COL10A1: variants seen among roughly 807,000 people sequenced by gnomAD.
COL10A1 encodes collagen alpha-1(X) chain.
A neutral mutation model predicts 18.2 loss-of-function variants in COL10A1; 10 were observed. The ratio of observed to expected loss-of-function variants is 0.55; its 90% confidence interval spans 0.34 to 0.93. The LOEUF (loss-of-function observed/expected upper bound fraction) is 0.93. Among genes scored for constraint, COL10A1 ranks in the 40% least tolerant of loss-of-function variants. The pLI, the probability that COL10A1 is intolerant of heterozygous loss-of-function variation, is 0.02. For synonymous variants in COL10A1, 330 were observed against 316.6 expected (o/e 1.04, Z -0.45); for missense variants, 897 against 853.5 (o/e 1.05, Z -0.64).
chr6:116,185,818 T>G, the COL10A1 span, among the ~76,000 whole-genome samples: 10 of 152,122 alleles, frequency 6.6e-5, no homozygotes, highest in Non-Finnish European at 1.3e-4. Flanking sequence ...TCTTAGCCAT[T>G]CTGTCATTCT....
intron 1 of COL10A1, among the ~76,000 whole-genome samples, chr6:116,139,863 C>T (rs1394794025): frequency 6.6e-6 from 1 of 152,188 alleles, no homozygotes; most frequent in Non-Finnish European, 1.5e-5. Context: ...CTTGAGTCTT[C>T]TGTCCCTCAT....
At chr6:116,155,180 T>C (rs1472501184) in intron 1 of COL10A1, among the ~76,000 whole-genome samples, 1 of 152,204 alleles carries the variant, frequency 6.6e-6, no homozygotes, top group Non-Finnish European at 1.5e-5. Context: ...TAGTTAAGGT[T>C]ACAAGTAGTT....
rs775537600 is a variant in COL10A1, at chr6:116,120,390, A to G, written c.1726T>C (p.Tyr576His). ...GGGTCATAATGCTGTTGCCTGTTAT[A>G]CAAAATTTTATCAAATGGTATGGGA... ...GTPIPFDKIL[Y>H]NRQQHYDPRT... The change falls in exon 3 of 3, where the codon TAT becomes CAT. Residue 576 changes from tyrosine (Y) to histidine (H), a missense_variant. Physicochemically the swap from Tyr to His is moderately conservative, Grantham distance 83. Coordinates refer to ENST00000651968, the MANE Select transcript of COL10A1 (RefSeq NM_000493.4). 2 of 1,614,148 alleles carry G rather than the reference A, an allele frequency of 1.2e-6. No individual in the cohort carries two copies. Among genetic ancestry groups the G allele is most frequent in the Admixed American group, 3.3e-5 (2 of 60,016 alleles).
At position 116,135,880 on chromosome 6, in the gene COL10A1, T is replaced by C. The variant is rs11969363; in HGVS notation, c.-15-10373A>G. On this transcript the variant is annotated intron_variant, in intron 1 of 1. Transcript: ENST00000418500. ...ATATATATATATATATATACACACA[T>C]ACACACACATTGCTAAATGGTTACC... Among the ~76,000 whole-genome samples, 240 of 123,178 alleles carry C rather than the reference T, an allele frequency of 1.9e-3. 1 individual carries two copies. The highest frequency in any genetic ancestry group is 8.7e-3 in the Middle Eastern group (2 of 230). 80.8% of individuals were successfully genotyped at this position (123,178 alleles called of 152,430 possible).
At chr6:116,163,546 T>C (rs76131627), upstream of COL10A1, among the ~76,000 whole-genome samples, 22 of 152,262 alleles carry the variant, frequency 1.4e-4, no homozygotes, top group East Asian at 4.2e-3. Context: ...TCTATCAATT[T>C]TTGTTTATCT....
the COL10A1 span, among the ~76,000 whole-genome samples, chr6:116,188,120 G>A: frequency 6.6e-6 from 1 of 152,160 alleles, no homozygotes; most frequent in African/African-American, 2.4e-5. Context: ...AGTCATGAGA[G>A]TGCTAATTAA....
At chr6:116,166,412 A>G in the COL10A1 span, among the ~76,000 whole-genome samples, 1 of 152,238 alleles carries the variant, frequency 6.6e-6, no homozygotes, top group Non-Finnish European at 1.5e-5. Flanking sequence ...AAAGGAATGG[A>G]TCAACCAATC....
the COL10A1 span, among the ~76,000 whole-genome samples, chr6:116,178,898 G>A: frequency 1.3e-5 from 2 of 152,084 alleles, no homozygotes; most frequent in Non-Finnish European, 2.9e-5. Flanking sequence ...TCTTTTACTC[G>A]ATATGCATTT....
chr6:116,189,682 TA>T, the COL10A1 span, among the ~76,000 whole-genome samples: 4 of 151,674 alleles, frequency 2.6e-5, no homozygotes, highest in Non-Finnish European at 4.4e-5. Context: ...CAAATGAGAG[TA>T]AATATTTATA....
Position 116,121,625 on chromosome 6 carries a change from G to A in COL10A1, c.491C>T (p.Thr164Ile), listed in dbSNP as rs780095832. Residue 164 changes from threonine (T) to isoleucine (I), a missense_variant, in exon 3 of 3, where the codon ACA becomes ATA. By Grantham distance (89) the Thr-to-Ile change is moderately conservative. Transcript: ENST00000651968. Reference protein sequence around the residue: ...VPGKPGQQGPTGAPGPRGFPG... With the variant: ...VPGKPGQQGPIGAPGPRGFPG... ...AAAGCCCCTGGGTCCTGGGGCTCCT[G>A]TGGGTCCCTGTTGTCCAGGTTTTCC... 3.7e-6 allele frequency: 6 copies of A among 1,613,860 alleles called. No homozygotes were observed. The highest frequency in any genetic ancestry group is 5.1e-6 in the Non-Finnish European group (6 of 1,179,900).
upstream of COL10A1, among the ~76,000 whole-genome samples, chr6:116,163,233 G>GT (rs1347560810): frequency 5.4e-4 from 79 of 146,948 alleles, no homozygotes; most frequent in East Asian, 4.7e-3. Context: ...CTGGTCCTGG[G>GT]TTTTTTTTTG....
At chr6:116,182,347 G>A in the COL10A1 span, among the ~76,000 whole-genome samples, 1 of 152,004 alleles carries the variant, frequency 6.6e-6, no homozygotes, top group African/African-American at 2.4e-5. Context: ...TGCTATAAAT[G>A]TGTGTGTAAG....
chr6:116,148,384 A>G lies in COL10A1; in HGVS notation c.-16+10230T>C, dbSNP rs555156006. On this transcript the variant is annotated intron_variant, in intron 1 of 1. Transcript: ENST00000418500. ...GTAGCATTTGTTTTCATTGCAATTT[A>G]CCATACATGCCATCCAAAGATTGTC... Among the ~76,000 whole-genome samples the G allele has an allele frequency of 4.6e-5, 7 of 152,322 alleles. No homozygotes were observed. In the East Asian group the frequency reaches 1.2e-3, roughly 25 times the overall value.
At chr6:116,213,099 C>A in the COL10A1 span, among the ~76,000 whole-genome samples, 1 of 152,078 alleles carries the variant, frequency 6.6e-6, no homozygotes, top group Non-Finnish European at 1.5e-5. Flanking sequence ...TTTAGATTAT[C>A]TATTGCTCCA....
chr6:116,149,930 A>G (rs910806332), intron 1 of COL10A1, among the ~76,000 whole-genome samples: 1 of 152,194 alleles, frequency 6.6e-6, no homozygotes, highest in Non-Finnish European at 1.5e-5. Flanking sequence ...CCCCACTCAC[A>G]GGTAGGTAAG....
chr6:116,151,209 T>C (rs781093003), intron 1 of COL10A1, among the ~76,000 whole-genome samples: 6 of 152,278 alleles, frequency 3.9e-5, no homozygotes, highest in Admixed American at 2.6e-4. Context: ...CCATCACTTA[T>C]AAAATCCCAT....
upstream of COL10A1, among the ~76,000 whole-genome samples, chr6:116,129,718 T>C (rs757741425): frequency 6.6e-6 from 1 of 152,200 alleles, no homozygotes; most frequent in Non-Finnish European, 1.5e-5. Context: ...TCTGTTATAG[T>C]AGTGTAAAAT....
chr6:116,144,090 T>C (rs966459449), intron 1 of COL10A1, among the ~76,000 whole-genome samples: 1 of 152,196 alleles, frequency 6.6e-6, no homozygotes, highest in Non-Finnish European at 1.5e-5. Context: ...TCAGAGTTCA[T>C]GTATTGGTGG....
At chr6:116,160,764 T>C (rs1007919969), upstream of COL10A1, among the ~76,000 whole-genome samples, 2 of 152,232 alleles carry the variant, frequency 1.3e-5, no homozygotes, top group African/African-American at 4.8e-5. Flanking sequence ...AGGTCTTACA[T>C]TGAAGCCTTT....
Sources: allele counts gnomAD v4.1 joint callset (sites outside exome capture counted in the v4.1 genomes callset), GRCh38; gene constraint gnomAD v4.1.1; transcripts MANE v1.5; gene names NCBI Gene and HGNC (gene_info 2026-07-23, HGNC 2026-07-21).